Variants in ARHGAP17 observed in about 807,000 individuals in gnomAD.
ARHGAP17 encodes the protein Rho GTPase activating protein 17.
A neutral mutation model predicts 99.5 loss-of-function variants in ARHGAP17; 57 were observed. The observed-to-expected ratio is 0.57, with a 90% CI of 0.46 to 0.71. ARHGAP17 has a LOEUF of 0.71. Among genes scored for constraint, ARHGAP17 ranks in the 30% least tolerant of loss-of-function variants. ARHGAP17 has a pLI of 0.00. For synonymous variants in ARHGAP17, 417 were observed against 429.6 expected (o/e 0.97, Z 0.36); for missense variants, 1,000 against 1,122.4 (o/e 0.89, Z 1.56).
chr16:24,932,333 G>T (rs542925741), intron 18 of ARHGAP17, among the ~76,000 whole-genome samples: 1 of 152,144 alleles, frequency 6.6e-6, no homozygotes, highest in African/African-American at 2.4e-5. Flanking sequence ...CATTTGAAAG[G>T]GCTTTAAAGG....
intron 19 of ARHGAP17, chr16:24,929,749 A>G: frequency 1.4e-6 from 1 of 689,938 alleles, no homozygotes; most frequent in Non-Finnish European, 1.8e-6. Flanking sequence ...GTTATTAACC[A>G]TTTATAACAT....
intron 1 of ARHGAP17, among the ~76,000 whole-genome samples, chr16:24,990,710 T>C (rs989253137): frequency 1.3e-5 from 2 of 150,566 alleles, no homozygotes; most frequent in Admixed American, 1.3e-4. Context: ...AAAATAATAA[T>C]ACTGATGCCT....
Position 24,939,632 on chromosome 16 carries a change from C to T in ARHGAP17, c.1491-35G>A, listed in dbSNP as rs188795105. The T allele has an allele frequency of 5.4e-4, 841 of 1,560,044 alleles. 1 individual carries two copies. The highest frequency in any genetic ancestry group is 6.8e-4 in the Non-Finnish European group (778 of 1,147,662). Reference sequence around the variant, plus strand: ...GAGAAGAAACAGTCAACACACCATGCGAGCAGACTACTGAGACAGAAGCCC... The same window carrying T: ...GAGAAGAAACAGTCAACACACCATGTGAGCAGACTACTGAGACAGAAGCCC... On this transcript the variant is annotated intron_variant, in intron 16 of 19. Transcript: ENST00000289968.
At chr16:24,937,555 C>T (rs1360820109) in intron 17 of ARHGAP17, among the ~76,000 whole-genome samples, 2 of 152,262 alleles carry the variant, frequency 1.3e-5, no homozygotes, top group Admixed American at 6.5e-5. Flanking sequence ...GCATAGGGCA[C>T]AATTATTGAC....
At position 24,954,713 on chromosome 16, in the gene ARHGAP17, G is replaced by C; in HGVS notation, c.742C>G (p.Pro248Ala). The C allele has an allele frequency of 8.7e-6, 14 of 1,613,862 alleles. No individual in the cohort carries two copies. The highest frequency in any genetic ancestry group is 1.2e-5 in the Non-Finnish European group (14 of 1,179,878). ...RAHQDKWAEKPAFGTPLEEHL... is the reference protein window; with the variant it reads ...RAHQDKWAEKAAFGTPLEEHL... ...TCTTCTAGGGGAGTCCCAAAGGCTG[G>C]TTTTTCCGCCCACTTATCTAGAGCA... The change falls in exon 10 of 20, where the codon CCA becomes GCA. Residue 248 changes from proline to alanine, a missense_variant. Pro to Ala is a conservative substitution (Grantham distance 27, BLOSUM62 -1). This residue lies in a region of ARHGAP17 where 472 missense variants were observed against 611.1 expected (regional missense o/e 0.77). Coordinates refer to ENST00000289968, the MANE Select transcript of ARHGAP17 (RefSeq NM_001006634.3).
rs1459031918 is a variant in ARHGAP17 at position 24,939,457 on chromosome 16, G to A, written c.1631C>T (p.Pro544Leu). Residue 544 changes from proline (P) to leucine (L), a missense_variant, in exon 17 of 20, where the codon CCC (proline) becomes CTC (leucine). Transcript: ENST00000289968. ...GCTGCTTTCAGCCCTAGAGCTCTGG[G>A]GAGGGGGCTCTGGGCCAGCGGGCAC... The part of the protein sequence containing the change: ...TVVPAGPEPP[P>L]QSSRAESSSG... The A allele has an allele frequency of 6.2e-7, 1 of 1,611,704 alleles. No individual in the cohort carries two copies. Among genetic ancestry groups the A allele is most frequent in the East Asian group, 2.2e-5 (1 of 44,854 alleles).
intron 3 of ARHGAP17, among the ~76,000 whole-genome samples, chr16:24,974,031 T>C (rs1162037226): frequency 6.6e-6 from 1 of 152,210 alleles, no homozygotes; most frequent in Non-Finnish European, 1.5e-5. Context: ...CTAAAGAGTG[T>C]GGACTTTATC....
chr16:24,937,125 A>AAC (rs1555459823), intron 17 of ARHGAP17, among the ~76,000 whole-genome samples: 5 of 146,808 alleles, frequency 3.4e-5, no homozygotes, highest in Admixed American at 2.0e-4. Context: ...TGAAAAAAAA[A>AAC]AAACAACAAA....
chr16:24,933,239 CT>C (rs2051042429), intron 18 of ARHGAP17, among the ~76,000 whole-genome samples: 1 of 147,526 alleles, frequency 6.8e-6, no homozygotes, highest in South Asian at 2.2e-4. Context: ...TGGCTCATGC[CT>C]GTATTCCCAG....
chr16:24,963,026 G>T (rs1158834165), intron 7 of ARHGAP17, among the ~76,000 whole-genome samples: 1 of 152,216 alleles, frequency 6.6e-6, no homozygotes, highest in East Asian at 1.9e-4. Context: ...AAGTGTGGAA[G>T]TTGAGAGAAC....
chr16:24,993,521 G>A (rs547163186), intron 1 of ARHGAP17, among the ~76,000 whole-genome samples: 30 of 151,076 alleles, frequency 2.0e-4, no homozygotes, highest in Non-Finnish European at 3.8e-4. Context: ...CCCAGGAGGC[G>A]AAGGTTGCAG....
At chr16:24,972,129 T>C (rs2052384280) in intron 3 of ARHGAP17, among the ~76,000 whole-genome samples, 1 of 152,230 alleles carries the variant, frequency 6.6e-6, no homozygotes. Context: ...AAGGGCTCCA[T>C]CTGATACAAT....
chr16:24,959,109 G>A (rs1395282242), intron 9 of ARHGAP17, among the ~76,000 whole-genome samples: 5 of 152,182 alleles, frequency 3.3e-5, no homozygotes, highest in African/African-American at 4.8e-5. Context: ...CAGTGTGCTT[G>A]AATATGATAG....
chr16:24,953,937 C>T (rs572062179), intron 10 of ARHGAP17, among the ~76,000 whole-genome samples: 2 of 152,026 alleles, frequency 1.3e-5, no homozygotes, highest in Admixed American at 6.6e-5. Flanking sequence ...ATCTGAGCGC[C>T]GACTCCATGG....
At chr16:24,997,336 G>A (rs894768112) in intron 1 of ARHGAP17, among the ~76,000 whole-genome samples, 12 of 136,460 alleles carry the variant, frequency 8.8e-5, no homozygotes, top group Admixed American at 5.9e-4. Context: ...GTACACACCC[G>A]GACACATATT....
intron 2 of ARHGAP17, among the ~76,000 whole-genome samples, chr16:24,977,846 G>A (rs1231647610): frequency 6.6e-6 from 1 of 152,150 alleles, no homozygotes; most frequent in African/African-American, 2.4e-5. Context: ...GGCAAAGAGA[G>A]CCGCTTTTTA....
intron 12 of ARHGAP17, among the ~76,000 whole-genome samples, 161 bp downstream of exon 12, chr16:24,952,128 T>C (rs572445190): frequency 6.6e-6 from 1 of 152,340 alleles, no homozygotes; most frequent in South Asian, 2.1e-4. Flanking sequence ...TTATAATACT[T>C]GATATTTTTA....
rs939719750 is a variant in ARHGAP17, at chr16:24,937,501, C to CT, written c.1724+1862dup. 2.6e-5 allele frequency among the ~76,000 whole-genome samples: 4 copies of CT among 152,180 alleles called. No individual in the cohort carries two copies. In the South Asian group the frequency reaches 8.3e-4, roughly 32 times the overall value. On this transcript the variant is annotated intron_variant, in intron 17 of 19. Coordinates refer to ENST00000289968, the MANE Select transcript of ARHGAP17 (RefSeq NM_001006634.3). ...AAGAAAATAAGTGAATTTGCTTAGA[C>CT]TTTTTTCCTTCAAACAAAAAAATTT...
chr16:24,965,383 T>C (rs188594754), intron 6 of ARHGAP17, among the ~76,000 whole-genome samples: 89 of 152,280 alleles, frequency 5.8e-4, no homozygotes, highest in African/African-American at 1.9e-3. Context: ...GGCAGGAGAA[T>C]GGCGTGAACC....
Sources: allele counts gnomAD v4.1 joint callset (sites outside exome capture counted in the v4.1 genomes callset), GRCh38; gene constraint gnomAD v4.1.1; regional missense constraint gnomAD v4.1.1; transcripts MANE v1.5; gene names NCBI Gene and HGNC (gene_info 2026-07-23, HGNC 2026-07-21).